RAB38: variants seen among roughly 807,000 people sequenced by gnomAD.
RAB38 encodes the protein RAB38, member RAS oncogene family, also known as ras-related protein Rab-38.
A neutral mutation model predicts 18.4 loss-of-function variants in RAB38; 15 were observed. That is an observed-to-expected ratio of 0.82 (90% confidence interval 0.55 to 1.26). RAB38 has a LOEUF of 1.26. Ranked by LOEUF, RAB38 falls within the 50% of genes most tolerant of loss-of-function variation. The pLI, the probability that RAB38 is intolerant of heterozygous loss-of-function variation, is 0.00. For synonymous variants in RAB38, 101 were observed against 104.4 expected, an observed-to-expected ratio of 0.97 and a Z score of 0.20; for missense variants, 294 against 267.4, an observed-to-expected ratio of 1.10 and a Z score of -0.69.
the RAB38 span, among the ~76,000 whole-genome samples, chr11:88,015,883 A>G: frequency 6.6e-6 from 1 of 152,102 alleles, no homozygotes; most frequent in Admixed American, 6.6e-5. Flanking sequence ...AAATGTTAAG[A>G]CTTTAACACT....
At chr11:87,863,362 T>C in the RAB38 span, among the ~76,000 whole-genome samples, 2 of 151,746 alleles carry the variant, frequency 1.3e-5, no homozygotes, top group African/African-American at 4.8e-5. Context: ...TTATGGCAAA[T>C]GACAATAGCT....
chr11:87,840,033 G>C, the RAB38 span, among the ~76,000 whole-genome samples: 1 of 152,170 alleles, frequency 6.6e-6, no homozygotes, highest in Non-Finnish European at 1.5e-5. Flanking sequence ...AATGTCATTA[G>C]TGAAACTGGG....
chr11:87,899,285 G>A, the RAB38 span, among the ~76,000 whole-genome samples: 1 of 151,746 alleles, frequency 6.6e-6, no homozygotes, highest in East Asian at 2.0e-4. Context: ...TGAACTGGAA[G>A]GAAATGGCTT....
At chr11:88,035,822 GA>G in the RAB38 span, among the ~76,000 whole-genome samples, 1 of 151,836 alleles carries the variant, frequency 6.6e-6, no homozygotes, top group East Asian at 1.9e-4. Context: ...ATTTCAGGAG[GA>G]AAAATAGTGG....
the RAB38 span, among the ~76,000 whole-genome samples, chr11:88,096,571 C>T: frequency 2.0e-5 from 3 of 151,820 alleles, no homozygotes; most frequent in Admixed American, 6.6e-5. Flanking sequence ...GCTTTATACA[C>T]TGCTTTATCT....
chr11:87,814,642 C>T, the RAB38 span, among the ~76,000 whole-genome samples: 2 of 152,070 alleles, frequency 1.3e-5, no homozygotes, highest in Non-Finnish European at 2.9e-5. Context: ...CTGAGTTGTC[C>T]TGGGGAGGAA....
chr11:88,059,993 T>C, the RAB38 span, among the ~76,000 whole-genome samples: 1 of 152,226 alleles, frequency 6.6e-6, no homozygotes, highest in South Asian at 2.1e-4. Flanking sequence ...TTCATTTTTA[T>C]GAACATTCAA....
At chr11:87,973,513 T>G in the RAB38 span, among the ~76,000 whole-genome samples, 1 of 151,998 alleles carries the variant, frequency 6.6e-6, no homozygotes, top group East Asian at 1.9e-4. Flanking sequence ...GGTACACCCC[T>G]GTCTACGGTG....
chr11:87,914,761 G>A, the RAB38 span, among the ~76,000 whole-genome samples: 2 of 152,208 alleles, frequency 1.3e-5, no homozygotes, highest in Non-Finnish European at 2.9e-5. Context: ...GGACAGGCCT[G>A]AGGGACTGCT....
Position 88,175,375 on chromosome 11 carries a change from G to T in RAB38, c.10C>A (p.Pro4Thr). The T allele has an allele frequency of 1.2e-6, 2 of 1,614,130 alleles. No homozygotes were observed. The highest frequency in any genetic ancestry group is 1.7e-6 in the Non-Finnish European group (2 of 1,180,026). MQAPHKEHLYKLLV... is the reference protein window; with the variant it reads MQATHKEHLYKLLV... The stretch of plus-strand genomic sequence containing the variant: ...AACTTGTACAGGTGCTCCTTGTGCG[G>T]GGCCTGCATCCTGGCGGCCGGCCAG... The change falls in exon 1 of 3, where the codon CCG (proline) becomes ACG (threonine). Residue 4 changes from proline to threonine, a missense_variant. Pro to Thr is a conservative substitution (Grantham distance 38). Coordinates refer to ENST00000243662, the MANE Select transcript of RAB38 (RefSeq NM_022337.3).
At chr11:87,900,167 G>A in the RAB38 span, among the ~76,000 whole-genome samples, 2 of 151,648 alleles carry the variant, frequency 1.3e-5, no homozygotes, top group African/African-American at 2.4e-5. Context: ...AGTAAAATAT[G>A]AAGGAGGGGT....
At chr11:87,967,484 A>G in the RAB38 span, among the ~76,000 whole-genome samples, 7 of 152,340 alleles carry the variant, frequency 4.6e-5, no homozygotes, top group South Asian at 1.4e-3. Flanking sequence ...AAGTAAAAAA[A>G]CAAGACTATC....
At chr11:88,128,486 C>G (rs1942731117) in intron 2 of RAB38, among the ~76,000 whole-genome samples, 1 of 152,208 alleles carries the variant, frequency 6.6e-6, no homozygotes, top group African/African-American at 2.4e-5. Context: ...CCCATTGAAT[C>G]ACCTAGGCCA....
chr11:87,844,167 T>C, the RAB38 span, among the ~76,000 whole-genome samples: 10 of 152,226 alleles, frequency 6.6e-5, no homozygotes, highest in South Asian at 1.7e-3. Flanking sequence ...TCCCATGGGT[T>C]ATTGTATTGG....
the RAB38 span, among the ~76,000 whole-genome samples, chr11:88,006,598 T>C: frequency 3.0e-4 from 42 of 137,922 alleles, no homozygotes; most frequent in African/African-American, 1.1e-3. Context: ...GTATATAATA[T>C]ATATACACAT....
the RAB38 span, among the ~76,000 whole-genome samples, chr11:87,954,359 T>C: frequency 6.6e-6 from 1 of 152,276 alleles, no homozygotes; most frequent in African/African-American, 2.4e-5. Context: ...TGTCTCTCCC[T>C]TGAGTTTGGA....
chr11:87,898,053 T>G, the RAB38 span, among the ~76,000 whole-genome samples: 1 of 151,576 alleles, frequency 6.6e-6, no homozygotes. Context: ...CTATGCTATA[T>G]TTCCCAAAAA....
chr11:88,042,646 G>A, the RAB38 span, among the ~76,000 whole-genome samples: 7,620 of 152,246 alleles, frequency 0.05, 316 homozygotes, highest in South Asian at 0.075. Context: ...AAAGCAGACA[G>A]AAGCCCTCTA....
chr11:88,049,338 CT>C, the RAB38 span, among the ~76,000 whole-genome samples: 2 of 152,132 alleles, frequency 1.3e-5, no homozygotes, highest in African/African-American at 2.4e-5. Context: ...TGAAAATGGC[CT>C]GTTCCTGCCT....
Sources: allele counts gnomAD v4.1 joint callset (sites outside exome capture counted in the v4.1 genomes callset), GRCh38; gene constraint gnomAD v4.1.1; transcripts MANE v1.5; gene names NCBI Gene and HGNC (gene_info 2026-07-23, HGNC 2026-07-21).